AKAP10: variants seen among roughly 807,000 people sequenced by gnomAD.
AKAP10 encodes A-kinase anchoring protein 10.
Under a neutral mutation model 80.8 loss-of-function variants are expected in AKAP10, and 24 were observed. That is an observed-to-expected ratio of 0.30 (90% CI 0.22 to 0.42). The LOEUF (loss-of-function observed/expected upper bound fraction) is 0.42. Ranked by LOEUF, AKAP10 falls within the 10% of genes least tolerant of loss-of-function variation. AKAP10 has a pLI of 1.00. For synonymous variants in AKAP10, 291 were observed against 277.7 expected, an observed-to-expected ratio of 1.05 and a Z score of -0.48; for missense variants, 661 against 794.9, an observed-to-expected ratio of 0.83 and a Z score of 2.03.
chr17:19,924,925 A>C (rs921808919), intron 10 of AKAP10, among the ~76,000 whole-genome samples: 1 of 152,076 alleles, frequency 6.6e-6, no homozygotes, highest in Non-Finnish European at 1.5e-5. Flanking sequence ...GCACTTTGGG[A>C]GGCTGAGGCA....
intron 12 of AKAP10, among the ~76,000 whole-genome samples, chr17:19,910,617 A>G (rs1597486692): frequency 2.0e-5 from 3 of 151,872 alleles, no homozygotes; most frequent in African/African-American, 4.8e-5. Context: ...TTAAAAAACA[A>G]AACAAAACCA....
At chr17:19,964,052 T>A (rs2043386005) in intron 2 of AKAP10, among the ~76,000 whole-genome samples, 1 of 152,224 alleles carries the variant, frequency 6.6e-6, no homozygotes, top group South Asian at 2.1e-4. Context: ...GAAGAGTGAC[T>A]GTCTTCAAAC....
At chr17:19,931,769 C>T (rs540008203) in intron 10 of AKAP10, 36 bp downstream of exon 10, 3 of 1,582,970 alleles carry the variant, frequency 1.9e-6, no homozygotes, top group East Asian at 4.5e-5. Context: ...GATGTGTATG[C>T]TTTTCTCCCT....
chr17:19,968,078 G>A, intron 2 of AKAP10: 1 of 192,788 alleles, frequency 5.2e-6, no homozygotes, highest in Non-Finnish European at 1.0e-5. Context: ...CCGTGCACCT[G>A]TAGTCCCAGC....
rs951827087 is a variant in AKAP10 at position 19,924,778 on chromosome 17, C to T, written c.1642-261G>A. ...ATTCCTAGGTTGAAGTGCAATGGCG[C>T]GATCACAACTCACTGCAGCCTCACC... On this transcript the variant is annotated intron_variant, in intron 10 of 14. Transcript: ENST00000225737. Among the ~76,000 whole-genome samples the T allele has an allele frequency of 3.3e-5, 5 of 152,164 alleles. No individual in the cohort carries two copies. The East Asian group carries it at 7.7e-4, about 23-fold the overall frequency.
chr17:19,972,466 G>A lies in AKAP10; in HGVS notation c.89-4005C>T, dbSNP rs191677146. 3.4e-4 allele frequency among the ~76,000 whole-genome samples: 51 copies of A among 151,908 alleles called. 1 individual carries two copies. Among genetic ancestry groups the A allele is most frequent in the Middle Eastern group, 3.4e-3 (1 of 292 alleles). On this transcript the variant is annotated intron_variant, in intron 1 of 14. Coordinates refer to ENST00000225737, the MANE Select transcript of AKAP10 (RefSeq NM_007202.4). Reference sequence around the variant, plus strand: ...TAGGTTTTTTGCTTTGTTTTGTTTTGTTTTTTTGAGACGGAATCTCACTCT... The same window carrying A: ...TAGGTTTTTTGCTTTGTTTTGTTTTATTTTTTTGAGACGGAATCTCACTCT...
intron 14 of AKAP10, 25 bp from the exon 15 acceptor site, chr17:19,906,257 TGGTAA>T: frequency 6.3e-7 from 1 of 1,599,632 alleles, no homozygotes; most frequent in South Asian, 1.1e-5. Flanking sequence ...GAAAAGAAAA[TGGTAA>T]GGTGCATTTC....
At chr17:19,964,795 A>G (rs1489867642) in intron 2 of AKAP10, among the ~76,000 whole-genome samples, 1 of 152,226 alleles carries the variant, frequency 6.6e-6, no homozygotes, top group Non-Finnish European at 1.5e-5. Flanking sequence ...TGGGAGGCTG[A>G]GGCAGGAGAA....
At position 19,964,818 on chromosome 17, in the gene AKAP10, G is replaced by T. The variant is rs1015477536; in HGVS notation, c.137-1796C>A. ...TGAGGCAGGAGAATCACTCGAACCC[G>T]AGAGGCAGAGGTTGCAGTGAGCTGC... On this transcript the variant is annotated intron_variant, in intron 2 of 14. Coordinates refer to ENST00000225737, the MANE Select transcript of AKAP10 (RefSeq NM_007202.4). Among the ~76,000 whole-genome samples, 3 of 152,318 alleles carry T rather than the reference G, an allele frequency of 2.0e-5. No individual in the cohort carries two copies. The East Asian group carries it at 5.8e-4, about 29-fold the overall frequency.
At chr17:19,965,381 C>A (rs889616755) in intron 2 of AKAP10, among the ~76,000 whole-genome samples, 2 of 152,188 alleles carry the variant, frequency 1.3e-5, no homozygotes, top group Admixed American at 6.6e-5. Context: ...GGTCTCCATC[C>A]TGCAAATCTC....
At chr17:19,924,307 T>C (rs1040230291) in intron 11 of AKAP10, 101 bp downstream of exon 11, 12 of 809,246 alleles carry the variant, frequency 1.5e-5, no homozygotes, top group Non-Finnish European at 2.0e-5. Flanking sequence ...GTTCTGGGCA[T>C]ATAATAATAG....
intron 1 of AKAP10, 95 bp from the exon 2 acceptor site, chr17:19,968,556 T>TA (rs1205939871): frequency 9.6e-7 from 1 of 1,039,180 alleles, no homozygotes; most frequent in East Asian, 2.4e-5. Context: ...CTAAGATGAG[T>TA]ATTCAAAGTT....
intron 9 of AKAP10, among the ~76,000 whole-genome samples, chr17:19,934,896 C>T (rs1322748575): frequency 6.6e-6 from 1 of 152,124 alleles, no homozygotes; most frequent in Non-Finnish European, 1.5e-5. Context: ...CCTGTAATCC[C>T]AGCTACTTGG....
chr17:19,931,213 G>T (rs1349086808), intron 10 of AKAP10, among the ~76,000 whole-genome samples: 1 of 152,010 alleles, frequency 6.6e-6, no homozygotes, highest in Non-Finnish European at 1.5e-5. Context: ...CTTACATAAA[G>T]AGCTCTTCAG....
In AKAP10 at chr17:19,946,269, ATATATATTTTTTT is replaced by A. The variant is rs1478969692; in HGVS notation, c.976+1125_976+1137del. On this transcript the variant is annotated intron_variant, in intron 5 of 14. Transcript: ENST00000225737. ...TATATATATATATATATATATATATATATATATTTTTTTTTTTTTTTTTTTTTTTTGGCAGGGG... is the reference window on the plus strand; with the variant it reads ...TATATATATATATATATATATATATATTTTTTTTTTTTTTTTTGGCAGGGG... Among the ~76,000 whole-genome samples the A allele has an allele frequency of 2.5e-3, 64 of 26,026 alleles. 5 individuals are homozygous for A. In the East Asian group the frequency reaches 0.064, roughly 26 times the overall value. 17.1% of individuals were successfully genotyped at this position (26,026 alleles called of 152,430 possible).
At position 19,956,155 on chromosome 17, in the gene AKAP10, C is replaced by T. The variant is rs368056344; in HGVS notation, c.877+1859G>A. On this transcript the variant is annotated intron_variant, in intron 4 of 14. Coordinates refer to ENST00000225737, the MANE Select transcript of AKAP10 (RefSeq NM_007202.4). ...ACCATATTTCTACAGTAAGTATAAA[C>T]CTGTACTCATACAGGATCAGTACGA... Among the ~76,000 whole-genome samples the T allele has an allele frequency of 3.9e-5, 6 of 152,264 alleles. No homozygotes were observed. In the East Asian group the frequency reaches 1.2e-3, roughly 29 times the overall value.
At chr17:19,935,265 T>C (rs1458492463) in intron 9 of AKAP10, among the ~76,000 whole-genome samples, 1 of 152,024 alleles carries the variant, frequency 6.6e-6, no homozygotes, top group Non-Finnish European at 1.5e-5. Context: ...ACAGTAAAAA[T>C]ACAGTATAAA....
chr17:19,913,128 T>C (rs925071442), intron 12 of AKAP10, among the ~76,000 whole-genome samples: 8 of 149,288 alleles, frequency 5.4e-5, no homozygotes, highest in Non-Finnish European at 1.2e-4. Context: ...CAGGTACTCG[T>C]ACCCGCCACC....
intron 4 of AKAP10, among the ~76,000 whole-genome samples, chr17:19,950,991 C>T (rs1224142575): frequency 2.0e-5 from 3 of 151,088 alleles, no homozygotes; most frequent in Admixed American, 1.3e-4. Flanking sequence ...AGTGTCTCTG[C>T]CCGACCGCCA....
Sources: allele counts gnomAD v4.1 joint callset (sites outside exome capture counted in the v4.1 genomes callset), GRCh38; gene constraint gnomAD v4.1.1; transcripts MANE v1.5; gene names NCBI Gene and HGNC (gene_info 2026-07-23, HGNC 2026-07-21).